The following ENPP3 variants were observed in gnomAD, a reference collection of about 807,000 sequenced individuals.
ENPP3 encodes ectonucleotide pyrophosphatase/phosphodiesterase 3, also known as ectonucleotide pyrophosphatase/phosphodiesterase family member 3.
In ENPP3, 104 loss-of-function variants were observed where a neutral mutation model predicts 117.8. The ratio of observed to expected loss-of-function variants is 0.88; its 90% CI spans 0.75 to 1.04. The LOEUF is 1.04. Ranked by LOEUF, ENPP3 falls within the 50% of genes least tolerant of loss-of-function variation. The pLI, the probability that ENPP3 is intolerant of heterozygous loss-of-function variation, is 0.00. For missense variants in ENPP3, 1,026 were observed against 1,051.9 expected (o/e 0.98, Z 0.34); for synonymous variants, 380 against 349.9 (o/e 1.09, Z -0.96).
chr6:131,675,470 A>C (rs946092331), intron 9 of ENPP3: 6 of 294,068 alleles, frequency 2.0e-5, no homozygotes, highest in African/African-American at 2.2e-5. Flanking sequence ...TTGCCTCTTT[A>C]CTCATCTCTG....
chr6:131,740,469 T>A, intron 24 of ENPP3, 89 bp downstream of exon 24: 1 of 996,860 alleles, frequency 1.0e-6, no homozygotes, highest in Non-Finnish European at 1.4e-6. Flanking sequence ...CTAAAACATT[T>A]TTTTTAGGTG....
At chr6:131,692,921 CA>C (rs895942679) in intron 14 of ENPP3, among the ~76,000 whole-genome samples, 41 of 140,426 alleles carry the variant, frequency 2.9e-4, no homozygotes, top group African/African-American at 9.5e-4. Context: ...ATATATTATA[CA>C]CTATATATGA....
chr6:131,677,138 A>G (rs1266654479), intron 10 of ENPP3, among the ~76,000 whole-genome samples: 1 of 152,166 alleles, frequency 6.6e-6, no homozygotes, highest in Non-Finnish European at 1.5e-5. Flanking sequence ...TGGGAGGCTG[A>G]GGTGGAATGA....
intron 1 of ENPP3, among the ~76,000 whole-genome samples, chr6:131,640,594 TG>T (rs1407811172): frequency 1.3e-4 from 20 of 152,236 alleles, no homozygotes; most frequent in African/African-American, 4.3e-4. Flanking sequence ...CAAAATCTGA[TG>T]TTTTTTTCTT....
At chr6:131,664,041 A>G (rs919427107) in intron 6 of ENPP3, among the ~76,000 whole-genome samples, 3 of 152,210 alleles carry the variant, frequency 2.0e-5, no homozygotes, top group Admixed American at 6.5e-5. Context: ...TACTATACTT[A>G]TACTTTGTAC....
Position 131,657,697 on chromosome 6 carries a change from C to G in ENPP3, c.465-626C>G, listed in dbSNP as rs79620470. ...AAAGCTAATCTATGCTGTTGGAAAT[C>G]AAGATACTGATCATCCTTGGTGGGG... On this transcript the variant is annotated intron_variant, in intron 5 of 24. Coordinates refer to ENST00000357639, the MANE Select transcript of ENPP3 (RefSeq NM_005021.5). 1.7e-3 allele frequency among the ~76,000 whole-genome samples: 264 copies of G among 152,272 alleles called. 2 individuals are homozygous for G. The highest frequency in any genetic ancestry group is 6.2e-3 in the African/African-American group (258 of 41,562).
Position 131,674,247 on chromosome 6 carries a change from A to T in ENPP3, c.728A>T (p.Glu243Val). ...AAGAATTTTTCACTTTCTTCAAAGG[A>T]ACAAAATAATCCAGCCTGGTGGCAT... ...LNKNFSLSSK[E>V]QNNPAWWHGQ... The change falls in exon 8 of 25, where the codon GAA becomes GTA. Residue 243 changes from glutamate (E) to valine (V), a missense_variant. Glu to Val is a moderately radical substitution (Grantham distance 121). Transcript: ENST00000357639. The T allele has an allele frequency of 1.2e-6, 2 of 1,613,602 alleles. No homozygotes were observed. The highest frequency in any genetic ancestry group is 1.7e-6 in the Non-Finnish European group (2 of 1,179,574).
intron 15 of ENPP3, among the ~76,000 whole-genome samples, chr6:131,706,032 T>A (rs1237499111): frequency 7.6e-6 from 1 of 132,200 alleles, no homozygotes; most frequent in East Asian, 2.4e-4. Context: ...CATTATTTTA[T>A]TTTATTTTAT....
chr6:131,677,196 C>T (rs1778887946), intron 10 of ENPP3, among the ~76,000 whole-genome samples: 2 of 152,132 alleles, frequency 1.3e-5, no homozygotes, highest in African/African-American at 4.8e-5. Context: ...GATCATGCCA[C>T]TGCCCTCCAG....
chr6:131,729,482 C>T lies in ENPP3; in HGVS notation c.1953+3282C>T, dbSNP rs368480222. Reference sequence around the variant, plus strand: ...CAAGCAGCTCACGTTCCTGTCTATACTCATCATTTACTTCTCCAGTAAGAT... The same window carrying T: ...CAAGCAGCTCACGTTCCTGTCTATATTCATCATTTACTTCTCCAGTAAGAT... On this transcript the variant is annotated intron_variant, in intron 20 of 24. Coordinates refer to ENST00000357639, the MANE Select transcript of ENPP3 (RefSeq NM_005021.5). Among the ~76,000 whole-genome samples the T allele has an allele frequency of 6.6e-5, 10 of 152,202 alleles. No individual in the cohort carries two copies. The East Asian group carries it at 1.2e-3, about 18-fold the overall frequency.
At chr6:131,653,265 G>A (rs1397455068) in intron 5 of ENPP3, among the ~76,000 whole-genome samples, 1 of 151,550 alleles carries the variant, frequency 6.6e-6, no homozygotes, top group Non-Finnish European at 1.5e-5. Context: ...TGAGTAGCTG[G>A]GACTATAGGC....
At position 131,747,219 on chromosome 6, in the gene ENPP3, A is replaced by T. The variant is rs1780655729; in HGVS notation, c.*263A>T. ...TTCTTAAACTCTAATCTCATGACAG[A>T]TTATACCTTCCTTATTACTTGTTTT... On this transcript the variant is annotated 3_prime_UTR_variant, in exon 25 of 25. Coordinates refer to ENST00000357639, the MANE Select transcript of ENPP3 (RefSeq NM_005021.5). 9.2e-6 allele frequency: 2 copies of T among 216,534 alleles called. No homozygotes were observed. The highest frequency in any genetic ancestry group is 1.8e-5 in the Non-Finnish European group (2 of 112,080). 13.4% of individuals were successfully genotyped at this position (216,534 alleles called of 1,614,324 possible).
At chr6:131,689,238 A>G (rs1779225752) in intron 14 of ENPP3, among the ~76,000 whole-genome samples, 1 of 152,228 alleles carries the variant, frequency 6.6e-6, no homozygotes, top group African/African-American at 2.4e-5. Flanking sequence ...TAGAGGAAAC[A>G]GCCTTCCATT....
chr6:131,646,457 G>A (rs1331735113), intron 2 of ENPP3, among the ~76,000 whole-genome samples: 1 of 151,986 alleles, frequency 6.6e-6, no homozygotes, highest in African/African-American at 2.4e-5. Context: ...TTCAGAGTAA[G>A]GCTTGTTTTT....
intron 19 of ENPP3, 145 bp from the exon 20 acceptor site, chr6:131,725,901 G>T: frequency 2.0e-6 from 1 of 495,390 alleles, no homozygotes; most frequent in Non-Finnish European, 3.6e-6. Context: ...AATTGAAAGA[G>T]GTTAAATATG....
intron 20 of ENPP3, among the ~76,000 whole-genome samples, chr6:131,733,192 C>T (rs931857368): frequency 2.0e-5 from 3 of 152,062 alleles, no homozygotes; most frequent in African/African-American, 7.2e-5. Flanking sequence ...TATATCAATA[C>T]TTAGTTTATA....
chr6:131,739,494 G>C (rs1231767616), intron 23 of ENPP3, among the ~76,000 whole-genome samples: 1 of 151,990 alleles, frequency 6.6e-6, no homozygotes, highest in Non-Finnish European at 1.5e-5. Context: ...GTGGAATCTG[G>C]GCTCCTTCAT....
chr6:131,660,165 C>G (rs1778468888), intron 6 of ENPP3, among the ~76,000 whole-genome samples: 2 of 152,048 alleles, frequency 1.3e-5, no homozygotes, highest in African/African-American at 4.8e-5. Context: ...TCAGGACCAC[C>G]TGAGGCTGTT....
chr6:131,687,979 G>A (rs192016317), intron 14 of ENPP3, among the ~76,000 whole-genome samples: 2 of 152,024 alleles, frequency 1.3e-5, no homozygotes, highest in African/African-American at 4.8e-5. Flanking sequence ...TTTACCAATT[G>A]AAGGTTTTGT....
Sources: gnomAD v4.1 joint callset for allele counts (sites outside exome capture counted in the v4.1 genomes callset) on GRCh38, gnomAD v4.1.1 for gene constraint, MANE v1.5 for transcripts, NCBI Gene and HGNC (gene_info 2026-07-23, HGNC 2026-07-21) for gene names.